The following NEK11 variants were observed in gnomAD, a reference collection of about 807,000 sequenced individuals.
The protein encoded by NEK11 is serine/threonine-protein kinase Nek11.
A neutral mutation model predicts 80.7 loss-of-function variants in NEK11; 72 were observed. The observed-to-expected ratio is 0.89, with a 90% CI of 0.74 to 1.08. The LOEUF is 1.08. Among genes scored for constraint, NEK11 ranks in the 50% least tolerant of loss-of-function variants. The pLI, the probability that NEK11 is intolerant of heterozygous loss-of-function variation, is 0.00. For missense variants in NEK11, 764 were observed against 763.6 expected (o/e 1.00, Z -0.01); for synonymous variants, 251 against 260.7 (o/e 0.96, Z 0.36).
chr3:131,307,754 T>C (rs2096737067), intron 17 of NEK11, among the ~76,000 whole-genome samples: 1 of 152,236 alleles, frequency 6.6e-6, no homozygotes, highest in East Asian at 1.9e-4. Flanking sequence ...ATGTGATGTT[T>C]TATATAGAGC....
intron 14 of NEK11, among the ~76,000 whole-genome samples, chr3:131,209,571 T>A (rs9867969): frequency 5.3e-5 from 8 of 152,088 alleles, no homozygotes; most frequent in African/African-American, 1.9e-4. Flanking sequence ...TACCAGCTCC[T>A]CTTTGTACCT....
chr3:131,202,242 G>C (rs973192053), intron 14 of NEK11, among the ~76,000 whole-genome samples: 8 of 152,132 alleles, frequency 5.3e-5, no homozygotes, highest in African/African-American at 1.9e-4. Context: ...ATTGGGACGG[G>C]CTGGACAGTG....
chr3:131,143,593 C>G (rs1249421679), intron 7 of NEK11, among the ~76,000 whole-genome samples: 3 of 152,016 alleles, frequency 2.0e-5, no homozygotes, highest in Admixed American at 6.6e-5. Context: ...TACTGTTTCC[C>G]CCCAAATGCT....
intron 17 of NEK11, among the ~76,000 whole-genome samples, chr3:131,278,293 G>C (rs992696910): frequency 1.3e-5 from 2 of 152,180 alleles, no homozygotes; most frequent in Admixed American, 1.3e-4. Context: ...AGGTGGTACT[G>C]CTCAAAGTCA....
intron 3 of NEK11, among the ~76,000 whole-genome samples, chr3:131,066,612 T>C (rs1235015749): frequency 6.6e-6 from 1 of 151,922 alleles, no homozygotes; most frequent in African/African-American, 2.4e-5. Flanking sequence ...GGCGGGCTGA[T>C]CACTTGAGGT....
At chr3:131,107,447 A>G (rs1553872847) in intron 4 of NEK11, among the ~76,000 whole-genome samples, 1 of 151,580 alleles carries the variant, frequency 6.6e-6, no homozygotes, top group Non-Finnish European at 1.5e-5. Context: ...TTTCTTTATC[A>G]TTGTCTTCAT....
At chr3:131,310,213 C>T (rs191687596) in intron 17 of NEK11, among the ~76,000 whole-genome samples, 8 of 151,946 alleles carry the variant, frequency 5.3e-5, no homozygotes, top group African/African-American at 1.7e-4. Flanking sequence ...TATTTATTCT[C>T]TATTGTACCC....
chr3:131,150,806 A>G (rs1194766891), intron 7 of NEK11, among the ~76,000 whole-genome samples: 2 of 151,468 alleles, frequency 1.3e-5, no homozygotes, highest in Non-Finnish European at 3.0e-5. Context: ...TCTTGTACTC[A>G]TTGTTTTTGT....
intron 15 of NEK11, 144 bp downstream of exon 15, chr3:131,228,832 T>G: frequency 1.3e-6 from 1 of 775,166 alleles, no homozygotes; most frequent in South Asian, 2.5e-5. Context: ...TAAGTCTGGC[T>G]TTTCAAGGTC....
At chr3:131,247,361 T>A (rs1477883322) in intron 16 of NEK11, among the ~76,000 whole-genome samples, 1 of 152,150 alleles carries the variant, frequency 6.6e-6, no homozygotes, top group Non-Finnish European at 1.5e-5. Context: ...CCCAGCACGA[T>A]TTGTTGAATA....
intron 14 of NEK11, among the ~76,000 whole-genome samples, chr3:131,181,721 G>A (rs1358957191): frequency 2.0e-5 from 3 of 147,934 alleles, no homozygotes; most frequent in Non-Finnish European, 3.0e-5. Flanking sequence ...ACTTCAGCCT[G>A]GGCGACAGAG....
intron 17 of NEK11, among the ~76,000 whole-genome samples, chr3:131,323,759 T>G (rs1441182985): frequency 6.6e-6 from 1 of 152,234 alleles, no homozygotes; most frequent in Admixed American, 6.5e-5. Context: ...TTTTGTTCTG[T>G]GTATATTGCT....
intron 17 of NEK11, among the ~76,000 whole-genome samples, chr3:131,332,228 C>G (rs1171909955): frequency 1.3e-5 from 2 of 152,176 alleles, no homozygotes. Context: ...AGTAGGGGCA[C>G]ACTGACACCT....
chr3:131,114,701 C>T (rs950669582), intron 5 of NEK11, among the ~76,000 whole-genome samples: 5 of 152,134 alleles, frequency 3.3e-5, no homozygotes, highest in Non-Finnish European at 5.9e-5. Flanking sequence ...GAATAAGAAG[C>T]GTGAATACTT....
chr3:131,060,855 G>A (rs890520429), intron 3 of NEK11, among the ~76,000 whole-genome samples: 1 of 152,162 alleles, frequency 6.6e-6, no homozygotes, highest in African/African-American at 2.4e-5. Flanking sequence ...TGTAGTATGT[G>A]TAAAGTGGTC....
In NEK11 at chr3:131,302,859, C is replaced by T. The variant is rs148508476; in HGVS notation, c.1718+29285C>T. Among the ~76,000 whole-genome samples the T allele has an allele frequency of 1.7e-4, 26 of 152,116 alleles. No individual in the cohort carries two copies. The East Asian group carries it at 4.6e-3, about 27-fold the overall frequency. On this transcript the variant is annotated intron_variant, in intron 17 of 17. Transcript: ENST00000383366. ...GGTGGAGAGTTCTGTAGATGTCTGT[C>T]GGGTCCTTTTGGTCAAATGTCAAGT...
At chr3:131,087,506 T>C (rs956514277) in intron 4 of NEK11, among the ~76,000 whole-genome samples, 1 of 152,126 alleles carries the variant, frequency 6.6e-6, no homozygotes, top group African/African-American at 2.4e-5. Context: ...CCTCCCAAAG[T>C]GCTGGGATGA....
chr3:131,203,692 A>G (rs1048739318), intron 14 of NEK11, among the ~76,000 whole-genome samples: 3 of 92,172 alleles, frequency 3.3e-5, no homozygotes, highest in Admixed American at 2.0e-4. Flanking sequence ...AAGTTCATAT[A>G]TATATGTATA....
chr3:131,221,262 T>C (rs2095015215), intron 14 of NEK11, among the ~76,000 whole-genome samples: 1 of 152,162 alleles, frequency 6.6e-6, no homozygotes, highest in Non-Finnish European at 1.5e-5. Flanking sequence ...AGAAGGGATT[T>C]TTATTTCAGC....
Sources: gnomAD v4.1 joint callset for allele counts (sites outside exome capture counted in the v4.1 genomes callset) on GRCh38, gnomAD v4.1.1 for gene constraint, MANE v1.5 for transcripts, NCBI Gene and HGNC (gene_info 2026-07-23, HGNC 2026-07-21) for gene names.